The following NRSN1 variants were observed in gnomAD, a reference collection of about 807,000 sequenced individuals.
The protein encoded by NRSN1 is neurensin 1, also known as neurensin-1.
A neutral mutation model predicts 17.3 loss-of-function variants in NRSN1; 14 were observed. That is an observed-to-expected ratio of 0.81 (90% CI 0.54 to 1.27). The LOEUF (loss-of-function observed/expected upper bound fraction) is 1.27, where lower values mean the gene tolerates loss of function less well. Ranked by LOEUF, NRSN1 falls within the 50% of genes most tolerant of loss-of-function variation. The probability of loss-of-function intolerance (pLI) is 0.00; values close to 1 mark genes in which losing one functional copy is unlikely to be tolerated. For synonymous variants in NRSN1, 79 were observed against 94.2 expected, an observed-to-expected ratio of 0.84 and a Z score of 0.93; for missense variants, 209 against 235.9, an observed-to-expected ratio of 0.89 and a Z score of 0.75.
chr6:24,143,883 T>C (rs1760259918), intron 3 of NRSN1, among the ~76,000 whole-genome samples: 2 of 152,346 alleles, frequency 1.3e-5, no homozygotes, highest in Middle Eastern at 3.4e-3. Flanking sequence ...TTATGAGCAT[T>C]TGTCATTTTA....
chr6:24,141,181 C>T (rs2113716517), intron 3 of NRSN1: 6 of 1,264,710 alleles, frequency 4.7e-6, no homozygotes, highest in Non-Finnish European at 6.0e-6. Flanking sequence ...TTTAAACAAC[C>T]TCTGCATTGC....
At chr6:24,144,899 C>T (rs1404727700) in intron 3 of NRSN1, among the ~76,000 whole-genome samples, 2 of 151,294 alleles carry the variant, frequency 1.3e-5, no homozygotes, top group African/African-American at 4.9e-5. Context: ...GATATCAGGG[C>T]TACTCTTCTT....
intron 3 of NRSN1, among the ~76,000 whole-genome samples, chr6:24,137,138 G>A (rs1760128911): frequency 1.3e-5 from 2 of 152,124 alleles, no homozygotes; most frequent in African/African-American, 2.4e-5. Context: ...CAAGAGTCAT[G>A]TTGGCCTCTC....
At position 24,145,742 on chromosome 6, in the gene NRSN1, G is replaced by A. The variant is rs769433747; in HGVS notation, c.384G>A (p.Thr128=). ...CTGTTCTCTTCTGCATTGGAGGCAC[G>A]TCCATGGCAGGGTGCCTGCTGATGT... ...AGAVLFCIGG[T]SMAGCLLMSV... is the part of the protein sequence containing the mutation. The change falls in exon 4 of 4, where the codon ACG becomes ACA. Residue 128 remains threonine (T), a synonymous_variant. Coordinates refer to ENST00000378491, the MANE Select transcript of NRSN1 (RefSeq NM_080723.5). This position sits in a 1 kb window ranked among gnomAD's most constrained non-coding sequence, Gnocchi z 4.4. The A allele has an allele frequency of 2.3e-5, 37 of 1,613,928 alleles. No homozygotes were observed. Among genetic ancestry groups the A allele is most frequent in the Admixed American group, 1.0e-4 (6 of 60,000 alleles).
chr6:24,128,550 T>C (rs561203022), intron 2 of NRSN1, among the ~76,000 whole-genome samples: 3 of 152,368 alleles, frequency 2.0e-5, no homozygotes, highest in Non-Finnish European at 2.9e-5. Context: ...AACATGCTTA[T>C]ATAATTTCAG....
intron 1 of NRSN1, among the ~76,000 whole-genome samples, chr6:24,126,921 T>C (rs1204266563): frequency 6.6e-6 from 1 of 151,848 alleles, no homozygotes; most frequent in African/African-American, 2.4e-5. Context: ...AGCTAATGTT[T>C]GTTTGATTGG....
At chr6:24,126,736 T>C (rs932066016) in intron 1 of NRSN1, among the ~76,000 whole-genome samples, 4 of 152,180 alleles carry the variant, frequency 2.6e-5, no homozygotes, top group African/African-American at 9.7e-5. Flanking sequence ...TTGGTTTATT[T>C]ATCAGGCTGA....
chr6:24,137,706 C>T (rs914399354), intron 3 of NRSN1, among the ~76,000 whole-genome samples: 3 of 151,970 alleles, frequency 2.0e-5, no homozygotes, highest in East Asian at 1.9e-4. Flanking sequence ...CAGCAGTCCC[C>T]GGAGTATGAT....
chr6:24,131,009 C>T (rs774685935), intron 2 of NRSN1, among the ~76,000 whole-genome samples: 37 of 152,258 alleles, frequency 2.4e-4, no homozygotes, highest in African/African-American at 5.8e-4. Flanking sequence ...TTCTCTGCCC[C>T]GTTTAGGTAG....
chr6:24,131,646 C>T (rs1760030856), intron 2 of NRSN1, among the ~76,000 whole-genome samples: 1 of 152,050 alleles, frequency 6.6e-6, no homozygotes, highest in Admixed American at 6.5e-5. Flanking sequence ...TTAGTAATAC[C>T]AACCCCATCT....
intron 3 of NRSN1, among the ~76,000 whole-genome samples, chr6:24,142,587 G>A (rs568706715): frequency 1.3e-5 from 2 of 152,152 alleles, no homozygotes; most frequent in Admixed American, 1.3e-4. Flanking sequence ...AGACTCCCAA[G>A]TAGCTGGGAT....
At chr6:24,133,151 C>G (rs1561865696) in intron 2 of NRSN1, among the ~76,000 whole-genome samples, 1 of 152,012 alleles carries the variant, frequency 6.6e-6, no homozygotes, top group East Asian at 1.9e-4. Flanking sequence ...AAGGCAGAAC[C>G]CAAAACAACC....
intron 3 of NRSN1, chr6:24,141,285 C>G: frequency 8.1e-7 from 1 of 1,239,002 alleles, no homozygotes; most frequent in Non-Finnish European, 1.0e-6. Flanking sequence ...TTTTATGATA[C>G]TGTATGGAAT....
intron 2 of NRSN1, among the ~76,000 whole-genome samples, chr6:24,134,066 G>A (rs1029037325): frequency 4.0e-5 from 6 of 150,962 alleles, no homozygotes; most frequent in Admixed American, 2.0e-4. Flanking sequence ...GGGTTTCACC[G>A]TGTTAGCCAG....
intron 3 of NRSN1, among the ~76,000 whole-genome samples, chr6:24,138,921 A>G (rs1388836313): frequency 6.6e-6 from 1 of 152,176 alleles, no homozygotes; most frequent in Non-Finnish European, 1.5e-5. Flanking sequence ...ATATTGTGGC[A>G]CGACTACCTC....
intron 1 of NRSN1, among the ~76,000 whole-genome samples, chr6:24,127,418 T>C (rs1759965636): frequency 6.6e-6 from 1 of 152,196 alleles, no homozygotes; most frequent in African/African-American, 2.4e-5. Flanking sequence ...ACCTGTTCAT[T>C]AGAAAGAATT....
rs559802676 is a variant in NRSN1 at position 24,126,338 on chromosome 6, G to C, written c.-85G>C. The C allele has an allele frequency of 9.9e-4, 160 of 161,758 alleles. 1 individual carries two copies. The highest frequency in any genetic ancestry group is 1.9e-3 in the Non-Finnish European group (142 of 74,120). The allele number at this position is 161,758 out of a possible 1,614,324, so 10.0% of individuals were successfully genotyped here. A position where few individuals can be genotyped will look rare whatever the true frequency, so the allele number is the denominator to read the frequency against. ...TGCTCCACGGGTCAGGGGATCGGAG[G>C]GGGTAGGTAAAGCCACGCAGAGTCC... On this transcript the variant is annotated splice_region_variant and 5_prime_UTR_variant, in exon 1 of 4. Coordinates refer to ENST00000378491, the MANE Select transcript of NRSN1 (RefSeq NM_080723.5).
At chr6:24,126,379 C>CTAT (rs1759948804) in intron 1 of NRSN1, 39 bp downstream of exon 1, 1 of 155,920 alleles carries the variant, frequency 6.4e-6, no homozygotes, top group Admixed American at 6.5e-5. Flanking sequence ...TGGCGGCTTT[C>CTAT]TATTCTCCAA....
intron 3 of NRSN1, among the ~76,000 whole-genome samples, chr6:24,137,286 T>A (rs1169298342): frequency 1.3e-5 from 2 of 152,230 alleles, no homozygotes; most frequent in Admixed American, 6.5e-5. Context: ...ATTGCATGCA[T>A]CTGCATAACA....
Sources: allele counts gnomAD v4.1 joint callset (sites outside exome capture counted in the v4.1 genomes callset), GRCh38; gene constraint gnomAD v4.1.1; non-coding constraint Gnocchi (gnomAD v3.1); transcripts MANE v1.5; gene names NCBI Gene and HGNC (gene_info 2026-07-23, HGNC 2026-07-21).